The following KCNQ1 variants were observed in gnomAD, a reference collection of about 807,000 sequenced individuals.
KCNQ1 encodes potassium voltage-gated channel subfamily Q member 1.
Under a neutral mutation model 72.4 loss-of-function variants are expected in KCNQ1, and 49 were observed. The ratio of observed to expected loss-of-function variants is 0.68; its 90% CI spans 0.54 to 0.86. The LOEUF (loss-of-function observed/expected upper bound fraction) is 0.86, where lower values mean the gene tolerates loss of function less well. KCNQ1 is among the 40% of genes least tolerant of loss of function. The pLI is 0.00. For missense variants in KCNQ1, 790 were observed against 945.1 expected, an observed-to-expected ratio of 0.84 and a Z score of 2.15; for synonymous variants, 450 against 412.6, an observed-to-expected ratio of 1.09 and a Z score of -1.10.
At chr11:2,793,625 A>G (rs1397587528) in intron 15 of KCNQ1, among the ~76,000 whole-genome samples, 1 of 152,160 alleles carries the variant, frequency 6.6e-6, no homozygotes, top group Non-Finnish European at 1.5e-5. Flanking sequence ...TCCTATCTCT[A>G]AAAATAAAAG....
chr11:2,818,916 G>A lies in KCNQ1; in HGVS notation c.1795-28851G>A, dbSNP rs1847677184. On this transcript the variant is annotated intron_variant, in intron 15 of 15. Coordinates refer to ENST00000155840, the MANE Select transcript of KCNQ1 (RefSeq NM_000218.3). This position sits in a 1 kb window ranked among gnomAD's most constrained non-coding sequence, Gnocchi z 7.2. The stretch of plus-strand genomic sequence containing the variant: ...AGAGTGGGCCACATGCCTCTTGGAA[G>A]GCAGGTGGCACAAGAGGTTCATCCC... Among the ~76,000 whole-genome samples the A allele has an allele frequency of 6.6e-6, 1 of 152,112 alleles. No individual in the cohort carries two copies. Among genetic ancestry groups the A allele is most frequent in the Non-Finnish European group, 1.5e-5 (1 of 68,024 alleles).
intron 2 of KCNQ1, among the ~76,000 whole-genome samples, chr11:2,556,512 T>G (rs1218329689): frequency 6.6e-6 from 1 of 152,224 alleles, no homozygotes; most frequent in Non-Finnish European, 1.5e-5. Flanking sequence ...TCTGGCTGTT[T>G]TTGTGCTATA....
intron 2 of KCNQ1, among the ~76,000 whole-genome samples, chr11:2,556,314 G>A (rs1270400467): frequency 2.0e-5 from 3 of 152,212 alleles, no homozygotes; most frequent in South Asian, 2.1e-4. Context: ...GAGGTGTGCT[G>A]GAGGGTCTAG....
At chr11:2,472,091 G>A (rs1006678501) in intron 1 of KCNQ1, among the ~76,000 whole-genome samples, 1 of 150,810 alleles carries the variant, frequency 6.6e-6, no homozygotes, top group African/African-American at 2.5e-5. Context: ...TGTATATATG[G>A]GTGTGTGTGC....
rs945133836 is a variant in KCNQ1, at chr11:2,682,737, G to A, written c.1514+20656G>A. On this transcript the variant is annotated intron_variant, in intron 11 of 15. Coordinates refer to ENST00000155840, the MANE Select transcript of KCNQ1 (RefSeq NM_000218.3). This position sits in a 1 kb window ranked among gnomAD's most constrained non-coding sequence, Gnocchi z 5.8. ...TAGTCATAAAGAATCTCTTCCCCTT[G>A]AGCCCACTCATCTCTGTTGACATTC... The A allele has an allele frequency of 5.0e-6, 2 of 398,486 alleles. No homozygotes were observed. The highest frequency in any genetic ancestry group is 4.1e-5 in the African/African-American group (2 of 48,598). 24.7% of individuals were successfully genotyped at this position (398,486 alleles called of 1,614,324 possible). A position where few individuals can be genotyped will look rare whatever the true frequency, so the allele number is the denominator to read the frequency against.
At chr11:2,728,694 C>T (rs915326275) in intron 11 of KCNQ1, among the ~76,000 whole-genome samples, 4 of 152,194 alleles carry the variant, frequency 2.6e-5, no homozygotes, top group African/African-American at 9.6e-5. Flanking sequence ...TCTGCTGGCC[C>T]AGAGTGCCAG....
intron 15 of KCNQ1, among the ~76,000 whole-genome samples, chr11:2,779,801 C>T (rs1463089930): frequency 6.6e-6 from 1 of 152,204 alleles, no homozygotes; most frequent in African/African-American, 2.4e-5. Flanking sequence ...AGGACACAGT[C>T]CTCAGTCAGC....
intron 15 of KCNQ1, 59 bp from the exon 16 acceptor site, chr11:2,847,708 T>C: frequency 2.0e-6 from 3 of 1,492,504 alleles, no homozygotes; most frequent in Non-Finnish European, 1.8e-6. Context: ...GCCCTGAGGC[T>C]GTCTGCACAC....
In KCNQ1 at chr11:2,624,673, C is replaced by T. The variant is rs1849234463; in HGVS notation, c.1393+35819C>T. On this transcript the variant is annotated intron_variant, in intron 10 of 15. Transcript: ENST00000155840. This position sits in a 1 kb window ranked among gnomAD's most constrained non-coding sequence, Gnocchi z 4.9. ...CACAATGCTGTGCAATCATCACTATCATCCATCTCCATAACACTTGTCATT... is the reference window on the plus strand; with the variant it reads ...CACAATGCTGTGCAATCATCACTATTATCCATCTCCATAACACTTGTCATT... 2.5e-6 allele frequency: 1 copy of T among 398,410 alleles called. No homozygotes were observed. The highest frequency in any genetic ancestry group is 2.1e-5 in the African/African-American group (1 of 48,622). 24.7% of individuals were successfully genotyped at this position (398,410 alleles called of 1,614,324 possible).
chr11:2,704,273 C>T lies in KCNQ1; in HGVS notation c.1514+42192C>T, dbSNP rs1368626079. Among the ~76,000 whole-genome samples the T allele has an allele frequency of 2.0e-5, 3 of 152,268 alleles. No individual in the cohort carries two copies. The highest frequency in any genetic ancestry group is 2.9e-5 in the Non-Finnish European group (2 of 68,048). On this transcript the variant is annotated intron_variant, in intron 11 of 15. Transcript: ENST00000155840. The surrounding 1 kb of genome is among the most constrained non-coding windows in gnomAD (Gnocchi z 4.3). ...CCTCCTGTGGCCTGTGTGTCGCCTG[C>T]ACCTGCATTCCACTGGGGCTTCCCT...
chr11:2,530,230 C>T (rs1381830617), intron 2 of KCNQ1, among the ~76,000 whole-genome samples: 1 of 152,216 alleles, frequency 6.6e-6, no homozygotes, highest in Non-Finnish European at 1.5e-5. Context: ...CCAAGTCCTC[C>T]TCACCCACCA....
intron 10 of KCNQ1, chr11:2,648,434 C>A (rs76659035): frequency 0.013 from 5,135 of 398,410 alleles, 155 homozygotes; most frequent in East Asian, 0.079. Flanking sequence ...CATAGCACTT[C>A]TTTTGTTGTA....
intron 13 of KCNQ1, among the ~76,000 whole-genome samples, chr11:2,776,587 C>A (rs1052965545): frequency 1.8e-4 from 28 of 152,214 alleles, no homozygotes; most frequent in Admixed American, 3.3e-4. Context: ...CCTGCACAGA[C>A]TCAGAGCAGC....
chr11:2,627,719 T>C lies in KCNQ1; in HGVS notation c.1394-34242T>C. The C allele has an allele frequency of 2.5e-6, 1 of 398,384 alleles. No individual in the cohort carries two copies. The highest frequency in any genetic ancestry group is 4.4e-6 in the Non-Finnish European group (1 of 225,986). 24.7% of individuals were successfully genotyped at this position (398,384 alleles called of 1,614,324 possible). A position where few individuals can be genotyped will look rare whatever the true frequency, so the allele number is the denominator to read the frequency against. ...ATGTATATGTATGTGATGTGTTTAT[T>C]TGGGAATTTGGTGATACACACACAC... On this transcript the variant is annotated intron_variant, in intron 10 of 15. Transcript: ENST00000155840. The surrounding 1 kb of genome is among the most constrained non-coding windows in gnomAD (Gnocchi z 4.9).
Position 2,653,299 on chromosome 11 carries a change from T to C in KCNQ1, c.1394-8662T>C, listed in dbSNP as rs558032469. ...CTAGTGGGGGCAGTGCAGACCAGTTTAGCTATTTTGTAACCTTGACTGCCC... is the reference window on the plus strand; with the variant it reads ...CTAGTGGGGGCAGTGCAGACCAGTTCAGCTATTTTGTAACCTTGACTGCCC... On this transcript the variant is annotated intron_variant, in intron 10 of 15. Coordinates refer to ENST00000155840, the MANE Select transcript of KCNQ1 (RefSeq NM_000218.3). The surrounding 1 kb of genome is among the most constrained non-coding windows in gnomAD (Gnocchi z 5.3). 1.8e-4 allele frequency: 72 copies of C among 398,574 alleles called. No individual in the cohort carries two copies. The highest frequency in any genetic ancestry group is 3.0e-4 in the Non-Finnish European group (67 of 226,108). 24.7% of individuals were successfully genotyped at this position (398,574 alleles called of 1,614,324 possible). A position where few individuals can be genotyped will look rare whatever the true frequency, so the allele number is the denominator to read the frequency against.
intron 10 of KCNQ1, chr11:2,643,587 T>G (rs1024940148): frequency 7.5e-6 from 3 of 398,438 alleles, no homozygotes; most frequent in Non-Finnish European, 1.3e-5. Context: ...AGATGGGTCA[T>G]GTTTTTAAGT....
intron 15 of KCNQ1, among the ~76,000 whole-genome samples, chr11:2,845,161 G>A (rs1848297992): frequency 1.3e-5 from 2 of 152,210 alleles, no homozygotes; most frequent in African/African-American, 4.8e-5. Flanking sequence ...GGGTCAGGGT[G>A]TGGCTGAACA....
At chr11:2,545,468 T>G (rs1158953852) in intron 2 of KCNQ1, among the ~76,000 whole-genome samples, 1 of 152,222 alleles carries the variant, frequency 6.6e-6, no homozygotes, top group Admixed American at 6.5e-5. Flanking sequence ...TTTATTCAGG[T>G]GATTGATAAT....
At chr11:2,616,963 GTTTTTT>G (rs35383069) in intron 10 of KCNQ1, 1 of 351,986 alleles carries the variant, frequency 2.8e-6, no homozygotes, top group Non-Finnish European at 5.1e-6. Flanking sequence ...ATCTTGTTGT[GTTTTTT>G]TTTTTTAATT....
Sources: gnomAD v4.1 joint callset for allele counts (sites outside exome capture counted in the v4.1 genomes callset) on GRCh38, gnomAD v4.1.1 for gene constraint, Gnocchi (gnomAD v3.1) non-coding constraint, MANE v1.5 for transcripts, NCBI Gene and HGNC (gene_info 2026-07-23, HGNC 2026-07-21) for gene names.